GRM5: variants seen among roughly 807,000 people sequenced by gnomAD.
GRM5 encodes the protein glutamate metabotropic receptor 5, also known as metabotropic glutamate receptor 5.
GRM5 carries 19 observed loss-of-function variants against 83.1 expected under a neutral mutation model. That is an observed-to-expected ratio of 0.23 (90% CI 0.16 to 0.34). The LOEUF (loss-of-function observed/expected upper bound fraction) is 0.34. Among genes scored for constraint, GRM5 ranks in the 10% least tolerant of loss-of-function variants. The pLI is 1.00. For synonymous variants in GRM5, 675 were observed against 633.6 expected (o/e 1.07, Z -0.98); for missense variants, 1,160 against 1,588.3 (o/e 0.73, Z 4.58).
At chr11:88,638,979 C>G (rs909609936) in intron 4 of GRM5, among the ~76,000 whole-genome samples, 1 of 151,918 alleles carries the variant, frequency 6.6e-6, no homozygotes, top group Non-Finnish European at 1.5e-5. Flanking sequence ...GATTTTCACT[C>G]TGGTCTATTA....
chr11:89,065,404 T>C (rs1942081311), intron 1 of GRM5, among the ~76,000 whole-genome samples: 1 of 151,800 alleles, frequency 6.6e-6, no homozygotes, highest in African/African-American at 2.4e-5. Context: ...CCTCTGTTTT[T>C]TTTTTTTAGT....
At position 88,541,480 on chromosome 11, in the gene GRM5, T is replaced by C. The variant is rs1483727495; in HGVS notation, c.2631-16076A>G. Among the ~76,000 whole-genome samples the C allele has an allele frequency of 2.0e-5, 3 of 152,284 alleles. No homozygotes were observed. In the East Asian group the frequency reaches 5.8e-4, roughly 29 times the overall value. On this transcript the variant is annotated intron_variant, in intron 8 of 9. Coordinates refer to ENST00000305447, the MANE Select transcript of GRM5 (RefSeq NM_001143831.3). Reference sequence around the variant, plus strand: ...TATATACACACATACAATCACACACTTATACATATATAAACATACATATAG... The same window carrying C: ...TATATACACACATACAATCACACACCTATACATATATAAACATACATATAG...
At chr11:88,752,068 C>T (rs536800054) in intron 3 of GRM5, among the ~76,000 whole-genome samples, 3 of 152,174 alleles carry the variant, frequency 2.0e-5, no homozygotes, top group African/African-American at 7.2e-5. Flanking sequence ...TCTCTCACAC[C>T]TCCTATTAAA....
chr11:88,835,653 G>T (rs908198667), intron 3 of GRM5, among the ~76,000 whole-genome samples: 2 of 151,976 alleles, frequency 1.3e-5, no homozygotes, highest in Admixed American at 6.6e-5. Flanking sequence ...AGGAAACTGG[G>T]GATGATGGGA....
chr11:88,916,275 G>T (rs995952542), intron 2 of GRM5, among the ~76,000 whole-genome samples: 3 of 152,154 alleles, frequency 2.0e-5, no homozygotes, highest in African/African-American at 7.2e-5. Context: ...AGGAAAGACA[G>T]TCTTTACTTG....
intron 2 of GRM5, among the ~76,000 whole-genome samples, chr11:88,875,300 G>A (rs1015492623): frequency 2.6e-5 from 4 of 151,908 alleles, no homozygotes; most frequent in African/African-American, 9.7e-5. Context: ...CACATTCTTT[G>A]CTTATCTATT....
intron 3 of GRM5, among the ~76,000 whole-genome samples, chr11:88,717,982 A>G (rs1185348367): frequency 6.6e-6 from 1 of 151,894 alleles, no homozygotes; most frequent in Admixed American, 6.6e-5. Flanking sequence ...GCAACAGACT[A>G]TGAAAATGCA....
intron 3 of GRM5, among the ~76,000 whole-genome samples, chr11:88,693,265 T>C (rs1271389046): frequency 1.3e-5 from 2 of 152,144 alleles, no homozygotes; most frequent in Non-Finnish European, 2.9e-5. Flanking sequence ...TCTGAGCTTC[T>C]ACAGTTTCAT....
chr11:88,855,490 T>C (rs551138251), intron 2 of GRM5, among the ~76,000 whole-genome samples: 1 of 151,926 alleles, frequency 6.6e-6, no homozygotes. Flanking sequence ...ACGGTATTTG[T>C]ATAATCTCTG....
At chr11:88,776,486 C>T (rs533318298) in intron 3 of GRM5, among the ~76,000 whole-genome samples, 4 of 152,036 alleles carry the variant, frequency 2.6e-5, no homozygotes, top group African/African-American at 4.8e-5. Context: ...CATTATGATG[C>T]TAGCTGGTTT....
chr11:88,509,387 G>T lies in GRM5; in HGVS notation c.2844C>A (p.Val948=). ...NKKENPNQTA[V]IKPFPKSTES... ...CCGTGCTCTTGGGGAAGGGCTTGATGACGGCCGTTTGGTTGGGGTTTTCTT... is the reference window on the plus strand; with the variant it reads ...CCGTGCTCTTGGGGAAGGGCTTGATTACGGCCGTTTGGTTGGGGTTTTCTT... The change falls in exon 10 of 10, where the codon GTC becomes GTA. Residue 948 remains valine (V), a synonymous_variant. Coordinates refer to ENST00000305447, the MANE Select transcript of GRM5 (RefSeq NM_001143831.3). 6.2e-7 allele frequency: 1 copy of T among 1,612,738 alleles called. No individual in the cohort carries two copies. The highest frequency in any genetic ancestry group is 8.5e-7 in the Non-Finnish European group (1 of 1,179,912).
chr11:89,009,929 A>AAAACC (rs752780249), intron 2 of GRM5, among the ~76,000 whole-genome samples: 6 of 102,388 alleles, frequency 5.9e-5, no homozygotes, highest in South Asian at 9.4e-4. Flanking sequence ...AAAAAAAAAA[A>AAAACC]ACACACACAA....
At chr11:89,000,238 C>A (rs145723416) in intron 2 of GRM5, among the ~76,000 whole-genome samples, 3,688 of 151,292 alleles carry the variant, frequency 0.024, 136 homozygotes, top group African/African-American at 0.083. Flanking sequence ...TAAAGTATAA[C>A]AATAATTAAA....
At chr11:88,781,265 A>G (rs533496536) in intron 3 of GRM5, among the ~76,000 whole-genome samples, 35 of 152,012 alleles carry the variant, frequency 2.3e-4, no homozygotes, top group African/African-American at 8.4e-4. Flanking sequence ...TGTAAGACGC[A>G]TGTATGTGAT....
intron 3 of GRM5, 78 bp downstream of exon 3, chr11:88,849,828 T>A: frequency 7.5e-7 from 1 of 1,340,076 alleles, no homozygotes; most frequent in South Asian, 1.3e-5. Flanking sequence ...GAATTTTTTA[T>A]CATACACTAA....
At chr11:88,955,640 G>C (rs1339941391) in intron 2 of GRM5, among the ~76,000 whole-genome samples, 1 of 151,848 alleles carries the variant, frequency 6.6e-6, no homozygotes, top group Non-Finnish European at 1.5e-5. Flanking sequence ...TTCCGTCCTT[G>C]TCCCAAATGT....
At chr11:88,904,464 G>C (rs1386157035) in intron 2 of GRM5, among the ~76,000 whole-genome samples, 1 of 152,070 alleles carries the variant, frequency 6.6e-6, no homozygotes. Context: ...CACCATTCTA[G>C]CCAAGAGCAA....
intron 2 of GRM5, among the ~76,000 whole-genome samples, chr11:88,999,577 G>C (rs1172457644): frequency 1.3e-5 from 2 of 152,096 alleles, no homozygotes; most frequent in Non-Finnish European, 2.9e-5. Flanking sequence ...TCATTAAAAA[G>C]TCAGGAAACA....
At chr11:88,762,788 T>C (rs993918550) in intron 3 of GRM5, among the ~76,000 whole-genome samples, 1 of 151,922 alleles carries the variant, frequency 6.6e-6, no homozygotes, top group Non-Finnish European at 1.5e-5. Flanking sequence ...CAGTAGTAGG[T>C]AGACTGGTAA....
Sources: allele counts gnomAD v4.1 joint callset (sites outside exome capture counted in the v4.1 genomes callset), GRCh38; gene constraint gnomAD v4.1.1; transcripts MANE v1.5; gene names NCBI Gene and HGNC (gene_info 2026-07-23, HGNC 2026-07-21).